Variants in PAK1 observed in about 807,000 individuals in gnomAD.
The protein encoded by PAK1 is p21 (RAC1) activated kinase 1, also known as serine/threonine-protein kinase PAK 1.
In PAK1, 29 loss-of-function variants were observed where a neutral mutation model predicts 67.4. That is an observed-to-expected ratio of 0.43 (90% CI 0.32 to 0.59). PAK1 has a LOEUF of 0.59. Ranked by LOEUF, PAK1 falls within the 20% of genes least tolerant of loss-of-function variation. The pLI, the probability that PAK1 is intolerant of heterozygous loss-of-function variation, is 0.07. For missense variants in PAK1, 337 were observed against 670.7 expected, an observed-to-expected ratio of 0.50 and a Z score of 5.50; for synonymous variants, 223 against 237.4, an observed-to-expected ratio of 0.94 and a Z score of 0.56.
At chr11:77,436,369 C>T (rs962323859) in intron 1 of PAK1, among the ~76,000 whole-genome samples, 5 of 152,188 alleles carry the variant, frequency 3.3e-5, no homozygotes, top group Non-Finnish European at 7.3e-5. Context: ...TCATGATAGG[C>T]ATGTGGCAAG....
intron 11 of PAK1, among the ~76,000 whole-genome samples, chr11:77,339,187 T>C (rs1016702953): frequency 3.9e-5 from 6 of 152,192 alleles, no homozygotes; most frequent in African/African-American, 7.2e-5. Context: ...TTTTGATCCA[T>C]ATAGCACCCC....
intron 1 of PAK1, among the ~76,000 whole-genome samples, chr11:77,456,698 C>A (rs1957093906): frequency 6.6e-6 from 1 of 152,046 alleles, no homozygotes; most frequent in Non-Finnish European, 1.5e-5. Flanking sequence ...CTCATGTAAT[C>A]CTAATAACAA....
chr11:77,446,454 G>A (rs375134178), intron 1 of PAK1, among the ~76,000 whole-genome samples: 1 of 147,652 alleles, frequency 6.8e-6, no homozygotes, highest in East Asian at 2.1e-4. Flanking sequence ...AGAGGTTGCA[G>A]TGAGCCAAGA....
intron 1 of PAK1, among the ~76,000 whole-genome samples, chr11:77,432,137 A>G (rs1955890870): frequency 6.8e-6 from 1 of 146,918 alleles, no homozygotes; most frequent in South Asian, 2.1e-4. Flanking sequence ...GGTTGTTTTA[A>G]TATCCAAAAA....
At chr11:77,404,491 T>C (rs1327678362) in intron 1 of PAK1, among the ~76,000 whole-genome samples, 1 of 152,106 alleles carries the variant, frequency 6.6e-6, no homozygotes, top group Non-Finnish European at 1.5e-5. Flanking sequence ...GATCTCGAAC[T>C]CCTGACCTCA....
chr11:77,506,264 T>A, the PAK1 span, among the ~76,000 whole-genome samples: 1 of 152,194 alleles, frequency 6.6e-6, no homozygotes, highest in African/African-American at 2.4e-5. Context: ...GGGCTTTGCA[T>A]GAAGTAACAA....
At chr11:77,503,176 A>T in the PAK1 span, among the ~76,000 whole-genome samples, 2 of 152,328 alleles carry the variant, frequency 1.3e-5, no homozygotes, top group African/African-American at 2.4e-5. Flanking sequence ...CACAAAGGGC[A>T]ATCGATGACT....
chr11:77,353,268 T>C (rs770816085), intron 8 of PAK1: 1 of 357,222 alleles, frequency 2.8e-6, no homozygotes, highest in Non-Finnish European at 5.1e-6. Flanking sequence ...ATTTGGGAAG[T>C]TGGTTTTGTG....
At chr11:77,523,887 G>A in the PAK1 span, among the ~76,000 whole-genome samples, 5 of 152,098 alleles carry the variant, frequency 3.3e-5, no homozygotes, top group East Asian at 3.9e-4. Context: ...ACCAGATCAC[G>A]GCCTTGTGTA....
intron 1 of PAK1, among the ~76,000 whole-genome samples, chr11:77,418,333 C>G (rs1337491287): frequency 6.6e-6 from 1 of 152,196 alleles, no homozygotes; most frequent in Non-Finnish European, 1.5e-5. Context: ...GTCCTGTTTG[C>G]AATGATCCTC....
chr11:77,327,352 A>C (rs1940231518), intron 14 of PAK1, among the ~76,000 whole-genome samples: 1 of 152,236 alleles, frequency 6.6e-6, no homozygotes, highest in African/African-American at 2.4e-5. Flanking sequence ...CAAAGTTGAA[A>C]TGAAGGAAAA....
At chr11:77,527,309 C>A in the PAK1 span, among the ~76,000 whole-genome samples, 1 of 152,042 alleles carries the variant, frequency 6.6e-6, no homozygotes, top group Non-Finnish European at 1.5e-5. Context: ...CACCATTTTG[C>A]CCAGGCTGGT....
At chr11:77,492,944 C>T in the PAK1 span, among the ~76,000 whole-genome samples, 5 of 152,116 alleles carry the variant, frequency 3.3e-5, no homozygotes, top group Non-Finnish European at 5.9e-5. Flanking sequence ...CCCAAAAAGC[C>T]GACCAGATTT....
At chr11:77,440,241 G>A (rs116617857) in intron 1 of PAK1, among the ~76,000 whole-genome samples, 2,144 of 152,060 alleles carry the variant, frequency 0.014, 42 homozygotes, top group African/African-American at 0.048. Flanking sequence ...TCAAACATAC[G>A]AGAACAAAAA....
the PAK1 span, among the ~76,000 whole-genome samples, chr11:77,507,835 A>G: frequency 6.6e-6 from 1 of 152,028 alleles, no homozygotes; most frequent in Non-Finnish European, 1.5e-5. Context: ...TCCCCAATAT[A>G]CCTTTTACCA....
intron 2 of PAK1, among the ~76,000 whole-genome samples, chr11:77,392,065 A>C (rs1951209833): frequency 6.6e-6 from 1 of 152,250 alleles, no homozygotes; most frequent in Non-Finnish European, 1.5e-5. Context: ...TAAGAATTTA[A>C]AAATAAATAA....
At chr11:77,349,644 C>CA (rs1944955891) in intron 8 of PAK1, 1 of 227,326 alleles carries the variant, frequency 4.4e-6, no homozygotes. Context: ...AGTACTTAGC[C>CA]AACTGCATAT....
chr11:77,477,567 C>CAAAAAAAGAA (rs1555176583), upstream of PAK1, among the ~76,000 whole-genome samples: 2 of 84,194 alleles, frequency 2.4e-5, no homozygotes, highest in Non-Finnish European at 4.1e-5. Context: ...ACCATCTCTA[C>CAAAAAAAGAA]AAAAAAAAAA....
intron 1 of PAK1, among the ~76,000 whole-genome samples, chr11:77,399,837 C>T (rs185040735): frequency 0.031 from 3,047 of 97,314 alleles, 46 homozygotes; most frequent in Non-Finnish European, 0.043. Flanking sequence ...CCAGCCTGGG[C>T]GACAGAGCGA....
Sources: gnomAD v4.1 joint callset for allele counts (sites outside exome capture counted in the v4.1 genomes callset) on GRCh38, gnomAD v4.1.1 for gene constraint, MANE v1.5 for transcripts, NCBI Gene and HGNC (gene_info 2026-07-23, HGNC 2026-07-21) for gene names.